The following MKNK1 variants were observed in gnomAD, a reference collection of about 807,000 sequenced individuals.
The protein encoded by MKNK1 is MAP kinase-interacting serine/threonine-protein kinase 1.
Under a neutral mutation model 49.3 loss-of-function variants are expected in MKNK1, and 30 were observed. That is an observed-to-expected ratio of 0.61 (90% CI 0.46 to 0.83). MKNK1 has a LOEUF of 0.83. Ranked by LOEUF, MKNK1 falls within the 40% of genes least tolerant of loss-of-function variation. The pLI is 0.00. For missense variants in MKNK1, 423 were observed against 524.7 expected, an observed-to-expected ratio of 0.81 and a Z score of 1.89; for synonymous variants, 176 against 201.7, an observed-to-expected ratio of 0.87 and a Z score of 1.08.
intron 6 of MKNK1, chr1:46,574,012 C>G (rs558957898): frequency 6.6e-6 from 1 of 152,250 alleles, no homozygotes; most frequent in South Asian, 2.1e-4. Flanking sequence ...GGATTATAGG[C>G]GTGAGCCACT....
intron 4 of MKNK1, among the ~76,000 whole-genome samples, chr1:46,577,018 C>T (rs553536944): frequency 6.6e-6 from 1 of 152,330 alleles, no homozygotes; most frequent in East Asian, 1.9e-4. Flanking sequence ...GCATTTACTG[C>T]ATCTACTGAA....
intron 12 of MKNK1, among the ~76,000 whole-genome samples, 185 bp downstream of exon 12, chr1:46,560,049 G>A (rs1291567726): frequency 1.3e-5 from 2 of 152,116 alleles, no homozygotes; most frequent in Non-Finnish European, 2.9e-5. Flanking sequence ...TCCAATCTAG[G>A]TGAAGGAAGG....
chr1:46,599,326 T>A (rs1428414455), intron 1 of MKNK1, among the ~76,000 whole-genome samples: 1 of 152,210 alleles, frequency 6.6e-6, no homozygotes, highest in Non-Finnish European at 1.5e-5. Flanking sequence ...AGAGACAGGA[T>A]GTGCCAAACA....
At chr1:46,596,848 T>C (rs917617962) in intron 1 of MKNK1, among the ~76,000 whole-genome samples, 1 of 152,186 alleles carries the variant, frequency 6.6e-6, no homozygotes, top group Non-Finnish European at 1.5e-5. Context: ...GAACCACAGT[T>C]GGCCGCAGGA....
At chr1:46,580,846 G>C (rs1671625168) in intron 3 of MKNK1, among the ~76,000 whole-genome samples, 1 of 152,160 alleles carries the variant, frequency 6.6e-6, no homozygotes, top group Non-Finnish European at 1.5e-5. Flanking sequence ...CCTCATTTTA[G>C]CGATGAGGTT....
At chr1:46,568,927 T>G (rs1669589761) in intron 7 of MKNK1, 1 of 159,258 alleles carries the variant, frequency 6.3e-6, no homozygotes, top group Non-Finnish European at 1.4e-5. Context: ...TGTGGCCGAT[T>G]TAAAAAAAAA....
In MKNK1 at chr1:46,589,517, C is replaced by G. The variant is rs903695552; in HGVS notation, c.-3+4596G>C. Among the ~76,000 whole-genome samples, 1 of 152,168 alleles carries G rather than the reference C, an allele frequency of 6.6e-6. No individual in the cohort carries two copies. Among genetic ancestry groups the G allele is most frequent in the Non-Finnish European group, 1.5e-5 (1 of 68,020 alleles). Reference sequence around the variant, plus strand: ...ATAAATGTCTCCATTCCTAGGCATACGTTTATCTTGTTTTCTCCATTAAAA... The same window carrying G: ...ATAAATGTCTCCATTCCTAGGCATAGGTTTATCTTGTTTTCTCCATTAAAA... On this transcript the variant is annotated intron_variant, in intron 2 of 12. Coordinates refer to ENST00000371945, the MANE Select transcript of MKNK1 (RefSeq NM_001135553.4). The surrounding 1 kb of genome is among the most constrained non-coding windows in gnomAD (Gnocchi z 4.3).
intron 5 of MKNK1, chr1:46,576,354 TTGA>T (rs750249000): frequency 2.7e-4 from 132 of 495,774 alleles, no homozygotes; most frequent in Non-Finnish European, 4.1e-4. Flanking sequence ...CTTGCTTGAA[TTGA>T]TGATATTTAC....
chr1:46,586,100 C>G (rs1311562630), intron 2 of MKNK1: 3 of 380,056 alleles, frequency 7.9e-6, no homozygotes, highest in Non-Finnish European at 1.6e-5. Context: ...CCATGTGGAG[C>G]CTGGCCACAC....
chr1:46,576,085 T>C (rs1670909653), intron 5 of MKNK1: 1 of 154,516 alleles, frequency 6.5e-6, no homozygotes, highest in Non-Finnish European at 1.4e-5. Context: ...GTGGGCAGAA[T>C]GAACTGGGGC....
At chr1:46,568,562 C>T (rs1171486238) in intron 7 of MKNK1, 64 bp from the exon 8 acceptor site, 1 of 1,474,296 alleles carries the variant, frequency 6.8e-7, no homozygotes, top group Non-Finnish European at 9.5e-7. Flanking sequence ...ATTCCACACA[C>T]AATTAATTTT....
rs36099600 is a variant in MKNK1 at position 46,581,508 on chromosome 1, CAAAAAAAAAAAA to C, written c.101-893_101-882del. 1.2e-4 allele frequency among the ~76,000 whole-genome samples: 5 copies of C among 41,650 alleles called. No individual in the cohort carries two copies. In the Admixed American group the frequency reaches 1.5e-3, roughly 13 times the overall value. The allele number at this position is 41,650 out of a possible 152,430, so 27.3% of individuals were successfully genotyped here. ...CTGGTGACAGAGTGAGACCCCATAT[CAAAAAAAAAAAA>C]AAAAAAAAAAAAAAAAAATTGGTCA... On this transcript the variant is annotated intron_variant, in intron 3 of 12. Coordinates refer to ENST00000371945, the MANE Select transcript of MKNK1 (RefSeq NM_001135553.4).
intron 11 of MKNK1, 112 bp downstream of exon 11, chr1:46,561,366 C>T (rs1172873681): frequency 1.1e-5 from 14 of 1,243,474 alleles, no homozygotes; most frequent in Non-Finnish European, 1.5e-5. Flanking sequence ...CTGTCCTCTT[C>T]AGCTGCACCA....
chr1:46,599,270 C>T (rs1674442641), intron 1 of MKNK1, among the ~76,000 whole-genome samples: 1 of 152,184 alleles, frequency 6.6e-6, no homozygotes, highest in African/African-American at 2.4e-5. Flanking sequence ...AGTTAGTGCT[C>T]TGTCCTACTT....
At chr1:46,566,995 CAG>C (rs1311279624) in intron 8 of MKNK1, among the ~76,000 whole-genome samples, 1 of 152,188 alleles carries the variant, frequency 6.6e-6, no homozygotes, top group East Asian at 1.9e-4. Flanking sequence ...TCTTAAGAGA[CAG>C]GGGTCTCACT....
Position 46,584,022 on chromosome 1 carries a change from G to C in MKNK1, c.-2-693C>G, listed in dbSNP as rs75390118. On this transcript the variant is annotated intron_variant, in intron 2 of 12. Transcript: ENST00000371945. Reference sequence around the variant, plus strand: ...GGTCTGTGCCAGGCTGCTGGATGAGGTCACTTATTGCAAAAAACCTTATTA... The same window carrying C: ...GGTCTGTGCCAGGCTGCTGGATGAGCTCACTTATTGCAAAAAACCTTATTA... 9.9e-4 allele frequency among the ~76,000 whole-genome samples: 151 copies of C among 152,338 alleles called. 3 individuals are homozygous for C. The highest frequency in any genetic ancestry group is 1.9e-3 in the Non-Finnish European group (131 of 68,028).
chr1:46,584,493 T>G (rs1241455630), intron 2 of MKNK1: 1 of 151,716 alleles, frequency 6.6e-6, no homozygotes, highest in African/African-American at 2.4e-5. Flanking sequence ...GTTGGTGTTT[T>G]TTTTTTTTTT....
chr1:46,594,050 G>A, intron 2 of MKNK1, 63 bp downstream of exon 2: 3 of 1,288,256 alleles, frequency 2.3e-6, no homozygotes, highest in East Asian at 2.3e-5. Flanking sequence ...TCCTCTGGAT[G>A]TATCAGATCA....
intron 10 of MKNK1, 86 bp from the exon 11 acceptor site, chr1:46,561,728 T>A: frequency 6.8e-7 from 1 of 1,467,406 alleles, no homozygotes; most frequent in Admixed American, 1.9e-5. Flanking sequence ...CGGCTTCAAT[T>A]GATCTCAGCT....
Sources: gnomAD v4.1 joint callset for allele counts (sites outside exome capture counted in the v4.1 genomes callset) on GRCh38, gnomAD v4.1.1 for gene constraint, Gnocchi (gnomAD v3.1) non-coding constraint, MANE v1.5 for transcripts, NCBI Gene and HGNC (gene_info 2026-07-23, HGNC 2026-07-21) for gene names.